The following FOXN3 variants were observed in gnomAD, a reference collection of about 807,000 sequenced individuals.
The protein encoded by FOXN3 is forkhead box protein N3.
A neutral mutation model predicts 38.4 loss-of-function variants in FOXN3; 7 were observed. The ratio of observed to expected loss-of-function variants is 0.18; its 90% CI spans 0.10 to 0.34. The LOEUF is 0.34. Among genes scored for constraint, FOXN3 ranks in the 10% least tolerant of loss-of-function variants. FOXN3 has a pLI of 1.00. For missense variants in FOXN3, 456 were observed against 613.4 expected, an observed-to-expected ratio of 0.74 and a Z score of 2.71; for synonymous variants, 230 against 242.2, an observed-to-expected ratio of 0.95 and a Z score of 0.47.
At chr14:89,512,145 T>G (rs1894106310) in intron 1 of FOXN3, among the ~76,000 whole-genome samples, 1 of 152,130 alleles carries the variant, frequency 6.6e-6, no homozygotes, top group Non-Finnish European at 1.5e-5. Flanking sequence ...AACGACCTTC[T>G]CTGTGACCCT....
In FOXN3 at chr14:89,325,315, ACCAC is replaced by A. The variant is rs1566956850; in HGVS notation, c.680+25353_680+25356del. The stretch of plus-strand genomic sequence containing the variant: ...CACCAACACCAACACCACCACCACG[ACCAC>A]CACCACCACCACCACCACCACCACC... On this transcript the variant is annotated intron_variant, in intron 3 of 5. Coordinates refer to ENST00000557258, the MANE Select transcript of FOXN3 (RefSeq NM_005197.4). Among the ~76,000 whole-genome samples, 112 of 64,480 alleles carry A rather than the reference ACCAC, an allele frequency of 1.7e-3. 1 individual carries two copies. The highest frequency in any genetic ancestry group is 6.9e-3 in the African/African-American group (107 of 15,428). The allele number at this position is 64,480 out of a possible 152,430, so 42.3% of individuals were successfully genotyped here. A position where few individuals can be genotyped will look rare whatever the true frequency, so the allele number is the denominator to read the frequency against.
Position 89,539,124 on chromosome 14 carries a change from G to A in FOXN3, c.-15+79904C>T, listed in dbSNP as rs995479250. On this transcript the variant is annotated intron_variant, in intron 1 of 6. Transcript: ENST00000345097. ...CCCAAAGTGCTGGGATTACAGGCGT[G>A]AGCCACGTGCCTGGCCACTTTTCTT... Among the ~76,000 whole-genome samples, 5 of 152,320 alleles carry A rather than the reference G, an allele frequency of 3.3e-5. No homozygotes were observed. In the East Asian group the frequency reaches 7.7e-4, roughly 24 times the overall value.
chr14:89,472,525 CTT>C (rs1893121327), intron 1 of FOXN3, among the ~76,000 whole-genome samples: 1 of 152,058 alleles, frequency 6.6e-6, no homozygotes, highest in Non-Finnish European at 1.5e-5. Context: ...TCGAGACCAC[CTT>C]GGCTAACATG....
intron 4 of FOXN3, among the ~76,000 whole-genome samples, chr14:89,280,708 C>T (rs1359413576): frequency 2.0e-5 from 3 of 152,046 alleles, no homozygotes; most frequent in African/African-American, 4.8e-5. Context: ...TGACGGCGGG[C>T]CAAAGAAGCA....
At chr14:89,354,977 C>T (rs1889148784) in intron 2 of FOXN3, 2 of 151,662 alleles carry the variant, frequency 1.3e-5, no homozygotes, top group Non-Finnish European at 2.9e-5. Context: ...TATTCACACT[C>T]ACATTTTTGT....
At chr14:89,605,290 G>A (rs1025736015) in intron 1 of FOXN3, among the ~76,000 whole-genome samples, 2 of 152,172 alleles carry the variant, frequency 1.3e-5, no homozygotes, top group African/African-American at 4.8e-5. Flanking sequence ...GGAGAGGAAA[G>A]ATGCTAATTG....
intron 4 of FOXN3, among the ~76,000 whole-genome samples, chr14:89,208,680 T>G (rs1207313684): frequency 6.6e-6 from 1 of 152,198 alleles, no homozygotes; most frequent in African/African-American, 2.4e-5. Flanking sequence ...AAATGCAACC[T>G]GCCTGGATTT....
intron 3 of FOXN3, among the ~76,000 whole-genome samples, chr14:89,282,717 G>C (rs1009208552): frequency 3.9e-5 from 6 of 152,152 alleles, no homozygotes; most frequent in African/African-American, 1.2e-4. Flanking sequence ...TTCAATAATT[G>C]AGTATTACTG....
rs545459395 is a variant in FOXN3 at position 89,515,496 on chromosome 14, C to T, written c.-14-103006G>A. On this transcript the variant is annotated intron_variant, in intron 1 of 6. Coordinates refer to the FOXN3 transcript ENST00000345097. The stretch of plus-strand genomic sequence containing the variant: ...ATCCCAGCACTTTGGGAGGCTGAGG[C>T]GGGTGGATCACCCGAGGTCAGGAGT... Among the ~76,000 whole-genome samples, 454 of 152,126 alleles carry T rather than the reference C, an allele frequency of 3.0e-3. 2 individuals are homozygous for T. The highest frequency in any genetic ancestry group is 0.01 in the African/African-American group (429 of 41,524).
At chr14:89,245,517 C>A (rs988931760) in intron 4 of FOXN3, among the ~76,000 whole-genome samples, 3 of 150,942 alleles carry the variant, frequency 2.0e-5, no homozygotes, top group African/African-American at 4.9e-5. Flanking sequence ...CTCCAGTTTT[C>A]TTTTCTTTAA....
At chr14:89,408,100 TC>T (rs1891441116) in intron 2 of FOXN3, among the ~76,000 whole-genome samples, 1 of 152,134 alleles carries the variant, frequency 6.6e-6, no homozygotes, top group Non-Finnish European at 1.5e-5. Context: ...GAGAACATGC[TC>T]TTGATGAAAT....
At chr14:89,584,206 T>C (rs1895800660) in intron 1 of FOXN3, among the ~76,000 whole-genome samples, 1 of 149,546 alleles carries the variant, frequency 6.7e-6, no homozygotes, top group Non-Finnish European at 1.5e-5. Flanking sequence ...AAGACCAGCC[T>C]GGCCAACATG....
chr14:89,524,624 T>C (rs2139826828), intron 1 of FOXN3, among the ~76,000 whole-genome samples: 1 of 151,934 alleles, frequency 6.6e-6, no homozygotes, highest in South Asian at 2.1e-4. Flanking sequence ...AGAAAGGTGA[T>C]GTCATCACAG....
intron 1 of FOXN3, among the ~76,000 whole-genome samples, chr14:89,462,833 C>CG (rs1398651315): frequency 6.6e-6 from 1 of 151,622 alleles, no homozygotes; most frequent in African/African-American, 2.4e-5. Flanking sequence ...TACAGGCGCC[C>CG]GCCACCACGC....
At chr14:89,232,542 C>G (rs1228570368) in intron 4 of FOXN3, among the ~76,000 whole-genome samples, 2 of 152,186 alleles carry the variant, frequency 1.3e-5, no homozygotes, top group African/African-American at 2.4e-5. Flanking sequence ...CGTGCCTACG[C>G]GGGCTGAAAG....
intron 1 of FOXN3, among the ~76,000 whole-genome samples, chr14:89,606,283 T>G (rs559413700): frequency 6.6e-6 from 1 of 152,108 alleles, no homozygotes; most frequent in African/African-American, 2.4e-5. Context: ...AAATACCACT[T>G]CCAGATAAAC....
chr14:89,172,328 C>T (rs1195052382), intron 5 of FOXN3, among the ~76,000 whole-genome samples: 2 of 152,098 alleles, frequency 1.3e-5, no homozygotes, highest in African/African-American at 2.4e-5. Flanking sequence ...TTTAAGCAAC[C>T]CTCCCGCCTC....
At chr14:89,464,230 T>C (rs1365922417) in intron 1 of FOXN3, among the ~76,000 whole-genome samples, 1 of 152,184 alleles carries the variant, frequency 6.6e-6, no homozygotes, top group Non-Finnish European at 1.5e-5. Flanking sequence ...GAGATTCCTC[T>C]ACCTTCTTTC....
intron 1 of FOXN3, among the ~76,000 whole-genome samples, chr14:89,525,225 G>T (rs556678031): frequency 6.6e-6 from 1 of 152,234 alleles, no homozygotes; most frequent in South Asian, 2.1e-4. Context: ...ACAAGATACA[G>T]ATCATAAAGA....
Sources: gnomAD v4.1 joint callset for allele counts (sites outside exome capture counted in the v4.1 genomes callset) on GRCh38, gnomAD v4.1.1 for gene constraint, MANE v1.5 for transcripts, NCBI Gene and HGNC (gene_info 2026-07-23, HGNC 2026-07-21) for gene names.